The following HS6ST1 variants were observed in gnomAD, a reference collection of about 807,000 sequenced individuals.
HS6ST1 encodes the protein heparan-sulfate 6-O-sulfotransferase 1.
A neutral mutation model predicts 25.2 loss-of-function variants in HS6ST1; 3 were observed. That is an observed-to-expected ratio of 0.12 (90% CI 0.05 to 0.31). The LOEUF is 0.31. Among genes scored for constraint, HS6ST1 ranks in the 10% least tolerant of loss-of-function variants. The pLI is 1.00. For synonymous variants in HS6ST1, 204 were observed against 275.1 expected (o/e 0.74, Z 2.56); for missense variants, 310 against 609.6 (o/e 0.51, Z 5.18).
At position 128,299,878 on chromosome 2, in the gene HS6ST1, G is replaced by T. The variant is rs371731112; in HGVS notation, c.527+18159C>A. Among the ~76,000 whole-genome samples, 23 of 152,302 alleles carry T rather than the reference G, an allele frequency of 1.5e-4. No homozygotes were observed. The East Asian group carries it at 2.9e-3, about 19-fold the overall frequency. On this transcript the variant is annotated intron_variant, in intron 1 of 1. Transcript: ENST00000259241. ...GCAGACCCCTGGGCTCTGAGCAGAC[G>T]GAGGAAACACAGCTTGTGGCAGCAC...
chr2:128,274,357 G>A lies in HS6ST1; in HGVS notation c.528-5487C>T, dbSNP rs112962545. The stretch of plus-strand genomic sequence containing the variant: ...TGGCATGCTTCTCCATTGCAACGCC[G>A]TATGTTAGAAACCATTGGAGCACGG... On this transcript the variant is annotated intron_variant, in intron 1 of 1. Coordinates refer to ENST00000259241, the MANE Select transcript of HS6ST1 (RefSeq NM_004807.3). Among the ~76,000 whole-genome samples the A allele has an allele frequency of 2.8e-3, 426 of 152,270 alleles. 3 individuals carry two copies. Among genetic ancestry groups the A allele is most frequent in the Non-Finnish European group, 4.6e-3 (315 of 68,028 alleles).
At chr2:128,314,413 G>A (rs550886916) in intron 1 of HS6ST1, among the ~76,000 whole-genome samples, 15 of 152,218 alleles carry the variant, frequency 9.9e-5, no homozygotes, top group African/African-American at 2.6e-4. Context: ...AAGGTGGCAC[G>A]GTGTCAGATG....
intron 1 of HS6ST1, among the ~76,000 whole-genome samples, chr2:128,280,032 G>A (rs1194116918): frequency 3.3e-5 from 5 of 152,178 alleles, no homozygotes; most frequent in African/African-American, 1.2e-4. Flanking sequence ...TCACAGGAAG[G>A]AAATGAGAAC....
At chr2:128,297,404 C>A (rs1218873269) in intron 1 of HS6ST1, among the ~76,000 whole-genome samples, 1 of 152,042 alleles carries the variant, frequency 6.6e-6, no homozygotes, top group African/African-American at 2.4e-5. Context: ...AATGGTAAGA[C>A]CTAAAACTGT....
intron 1 of HS6ST1, among the ~76,000 whole-genome samples, chr2:128,310,498 G>C (rs1694274157): frequency 6.6e-6 from 1 of 152,218 alleles, no homozygotes; most frequent in South Asian, 2.1e-4. Context: ...GCAGCTCCCA[G>C]CACCCACAGA....
At chr2:128,302,922 G>T (rs910832643) in intron 1 of HS6ST1, among the ~76,000 whole-genome samples, 4 of 152,184 alleles carry the variant, frequency 2.6e-5, no homozygotes, top group African/African-American at 9.7e-5. Context: ...CTCCCCCGAC[G>T]GCCTGCCCTT....
intron 1 of HS6ST1, among the ~76,000 whole-genome samples, chr2:128,275,807 C>T (rs1693686099): frequency 6.6e-6 from 1 of 152,200 alleles, no homozygotes; most frequent in Admixed American, 6.5e-5. Context: ...GGTACACATT[C>T]CCCAAGATGT....
intron 1 of HS6ST1, among the ~76,000 whole-genome samples, chr2:128,303,485 C>A (rs1694164479): frequency 6.6e-6 from 1 of 152,240 alleles, no homozygotes; most frequent in East Asian, 1.9e-4. Flanking sequence ...ACGTAGTTTC[C>A]AGATCTAGCA....
At chr2:128,314,364 A>G (rs938336646) in intron 1 of HS6ST1, among the ~76,000 whole-genome samples, 2 of 151,808 alleles carry the variant, frequency 1.3e-5, no homozygotes, top group African/African-American at 4.8e-5. Context: ...AGAGTCCAGG[A>G]AAAAAAAATT....
At chr2:128,273,437 C>A (rs146218494) in intron 1 of HS6ST1, among the ~76,000 whole-genome samples, 7 of 152,376 alleles carry the variant, frequency 4.6e-5, no homozygotes, top group South Asian at 2.1e-4. Context: ...CTGATCCAGG[C>A]AGGGTGACCT....
At chr2:128,288,292 G>A (rs1189429786) in intron 1 of HS6ST1, among the ~76,000 whole-genome samples, 2 of 152,128 alleles carry the variant, frequency 1.3e-5, no homozygotes, top group African/African-American at 2.4e-5. Context: ...CGAGAGGGAG[G>A]CTGGCGGCAG....
intron 1 of HS6ST1, among the ~76,000 whole-genome samples, chr2:128,284,730 C>T (rs1253683858): frequency 6.6e-6 from 1 of 152,174 alleles, no homozygotes; most frequent in Non-Finnish European, 1.5e-5. Context: ...TCAGGTGATC[C>T]ACCTGCCTCA....
In HS6ST1 at chr2:128,266,724, T is replaced by G. The variant is rs1426170098; in HGVS notation, c.*1438A>C. 1 of 152,328 alleles carries G rather than the reference T, an allele frequency of 6.6e-6. No individual in the cohort carries two copies. Among genetic ancestry groups the G allele is most frequent in the African/African-American group, 2.4e-5 (1 of 41,440 alleles). 9.4% of individuals were successfully genotyped at this position (152,328 alleles called of 1,614,324 possible). ...CCTACCTCTGAGTCAGCCTGCGGCC[T>G]GAGCACACCAATCTACTCTCTGGGG... On this transcript the variant is annotated 3_prime_UTR_variant, in exon 2 of 2. Coordinates refer to ENST00000259241, the MANE Select transcript of HS6ST1 (RefSeq NM_004807.3).
rs1352105069 is a variant in HS6ST1 at position 128,318,591 on chromosome 2, G to T, written c.-28C>A. 6.1e-6 allele frequency: 8 copies of T among 1,308,514 alleles called. No homozygotes were observed. Among genetic ancestry groups the T allele is most frequent in the Non-Finnish European group, 7.9e-6 (8 of 1,016,644 alleles). 81.1% of individuals were successfully genotyped at this position (1,308,514 alleles called of 1,614,324 possible). ...GTCACCATCGCCGGGGCCCGGGCGC[G>T]GGGCGCGGGGCCTGGGAGGGCAGGA... is the stretch of plus-strand genomic sequence containing the variant. On this transcript the variant is annotated 5_prime_UTR_variant, in exon 1 of 2. Transcript: ENST00000259241. This position sits in a 1 kb window ranked among gnomAD's most constrained non-coding sequence, Gnocchi z 5.7.
rs530630187 is a variant in HS6ST1 at position 128,268,836 on chromosome 2, C to T, written c.562G>A (p.Val188Met). 12 of 1,611,838 alleles carry T rather than the reference C, an allele frequency of 7.4e-6. No individual in the cohort carries two copies. The highest frequency in any genetic ancestry group is 1.0e-5 in the Non-Finnish European group (12 of 1,179,898). Residue 188 changes from valine (V) to methionine (M), a missense_variant, in exon 2 of 2, where the codon GTG (valine) becomes ATG (methionine). Transcript: ENST00000259241. ...CGCCACTCGCTCAGGTAGCGGGACACGGGGTCTCGTAGCAGGGTGATGTAG... is the reference window on the plus strand; with the variant it reads ...CGCCACTCGCTCAGGTAGCGGGACATGGGGTCTCGTAGCAGGGTGATGTAG... ...FYYITLLRDP[V>M]SRYLSEWRHV...
intron 1 of HS6ST1, among the ~76,000 whole-genome samples, chr2:128,274,841 G>C (rs1041292505): frequency 6.6e-6 from 1 of 152,048 alleles, no homozygotes; most frequent in Non-Finnish European, 1.5e-5. Context: ...AGCCGGGAGT[G>C]GTGGCACATG....
chr2:128,273,036 C>T (rs1693635267), intron 1 of HS6ST1, among the ~76,000 whole-genome samples: 1 of 152,222 alleles, frequency 6.6e-6, no homozygotes, highest in Non-Finnish European at 1.5e-5. Flanking sequence ...CTTCCTGCGC[C>T]CATGTCCCAC....
In HS6ST1 at chr2:128,283,073, C is replaced by T. The variant is rs535066937; in HGVS notation, c.528-14203G>A. 4.5e-4 allele frequency among the ~76,000 whole-genome samples: 68 copies of T among 152,320 alleles called. 1 individual carries two copies. The highest frequency in any genetic ancestry group is 7.9e-4 in the Non-Finnish European group (54 of 68,022). The stretch of plus-strand genomic sequence containing the variant: ...AATAAAAACAGCTGTCCTATCAGAT[C>T]CAAGCACCTGGCTCCAGGCCCACAG... On this transcript the variant is annotated intron_variant, in intron 1 of 1. Transcript: ENST00000259241.
chr2:128,269,636 G>A (rs924381877), intron 1 of HS6ST1, among the ~76,000 whole-genome samples: 9 of 152,172 alleles, frequency 5.9e-5, no homozygotes, highest in Admixed American at 2.0e-4. Context: ...TATGCCCGGT[G>A]TGTGTGTGTG....
Sources: gnomAD v4.1 joint callset for allele counts (sites outside exome capture counted in the v4.1 genomes callset) on GRCh38, gnomAD v4.1.1 for gene constraint, Gnocchi (gnomAD v3.1) non-coding constraint, MANE v1.5 for transcripts, NCBI Gene and HGNC (gene_info 2026-07-23, HGNC 2026-07-21) for gene names.